The following BRAF variants were observed in gnomAD, a reference collection of about 807,000 sequenced individuals.
BRAF encodes serine/threonine-protein kinase B-raf.
In BRAF, 16 loss-of-function variants were observed where a neutral mutation model predicts 104.6. The observed-to-expected ratio is 0.15, with a 90% CI of 0.10 to 0.23. BRAF has a LOEUF of 0.23. Among genes scored for constraint, BRAF ranks in the 10% least tolerant of loss-of-function variants. The probability of loss-of-function intolerance (pLI) is 1.00; values close to 1 mark genes in which losing one functional copy is unlikely to be tolerated. For missense variants in BRAF, 541 were observed against 937.3 expected (o/e 0.58, Z 5.52); for synonymous variants, 310 against 341.6 (o/e 0.91, Z 1.02).
chr7:140,747,785 C>T (rs919470323), intron 17 of BRAF, among the ~76,000 whole-genome samples: 1 of 152,134 alleles, frequency 6.6e-6, no homozygotes, highest in Non-Finnish European at 1.5e-5. Flanking sequence ...GACCATTTTG[C>T]TACCCCAACT....
rs1298010263 is a variant in BRAF, at chr7:140,720,445, T to A, written c.*6049A>T. 1.9e-6 allele frequency: 2 copies of A among 1,063,230 alleles called. No homozygotes were observed. The highest frequency in any genetic ancestry group is 2.3e-6 in the Non-Finnish European group (2 of 878,078). The allele number at this position is 1,063,230 out of a possible 1,614,324, so 65.9% of individuals were successfully genotyped here. ...AGACATAAAGGCTAGCCACTTACGTTGGTCATTAACATGAATAAAAAGGCA... is the reference window on the plus strand; with the variant it reads ...AGACATAAAGGCTAGCCACTTACGTAGGTCATTAACATGAATAAAAAGGCA... On this transcript the variant is annotated 3_prime_UTR_variant, in exon 20 of 20. Transcript: ENST00000644969.
At chr7:140,816,132 T>C (rs1038134822) in intron 3 of BRAF, among the ~76,000 whole-genome samples, 1 of 152,234 alleles carries the variant, frequency 6.6e-6, no homozygotes, top group Non-Finnish European at 1.5e-5. Flanking sequence ...AACACAGTAA[T>C]TTACGTACCA....
At position 140,724,836 on chromosome 7, in the gene BRAF, G is replaced by A; in HGVS notation, c.*1658C>T. On this transcript the variant is annotated 3_prime_UTR_variant, in exon 20 of 20. Transcript: ENST00000644969. ...ATTCTGAGTCTAGATTCCTGATAAG[G>A]GAGGTTTTCCATTAATTTGCCATTA... 2 of 1,038,542 alleles carry A rather than the reference G, an allele frequency of 1.9e-6. No homozygotes were observed. The highest frequency in any genetic ancestry group is 1.2e-6 in the Non-Finnish European group (1 of 862,402). The allele number at this position is 1,038,542 out of a possible 1,614,324, so 64.3% of individuals were successfully genotyped here.
intron 3 of BRAF, among the ~76,000 whole-genome samples, chr7:140,819,590 A>G (rs193086000): frequency 3.0e-4 from 46 of 152,342 alleles, no homozygotes; most frequent in Non-Finnish European, 5.6e-4. Context: ...ACAGATGTCC[A>G]TCAGCTGATA....
chr7:140,750,712 A>T (rs1797717841), intron 16 of BRAF, among the ~76,000 whole-genome samples: 1 of 152,230 alleles, frequency 6.6e-6, no homozygotes, highest in African/African-American at 2.4e-5. Flanking sequence ...CAGAATACTG[A>T]GAGGCTGGTA....
At chr7:140,898,217 A>T (rs970691437) in intron 1 of BRAF, among the ~76,000 whole-genome samples, 3 of 152,198 alleles carry the variant, frequency 2.0e-5, no homozygotes, top group Admixed American at 1.3e-4. Context: ...AATAAATAAA[A>T]ATACAAATAA....
chr7:140,866,630 T>A (rs1810993825), intron 1 of BRAF, among the ~76,000 whole-genome samples: 2 of 152,116 alleles, frequency 1.3e-5, no homozygotes, highest in African/African-American at 4.8e-5. Context: ...GCTAGAGAAA[T>A]AATAGTTAAG....
intron 7 of BRAF, among the ~76,000 whole-genome samples, chr7:140,794,903 A>C (rs1281715786): frequency 6.6e-6 from 1 of 152,238 alleles, no homozygotes; most frequent in Non-Finnish European, 1.5e-5. Context: ...TATTTTGAGA[A>C]TACAAATGCA....
intron 1 of BRAF, among the ~76,000 whole-genome samples, chr7:140,912,728 A>C: frequency 6.6e-6 from 1 of 152,148 alleles, no homozygotes; most frequent in Non-Finnish European, 1.5e-5. Context: ...TTGTATTTTT[A>C]GTAGAGACAG....
At chr7:140,805,735 T>G (rs907623857) in intron 5 of BRAF, among the ~76,000 whole-genome samples, 1 of 152,204 alleles carries the variant, frequency 6.6e-6, no homozygotes, top group Non-Finnish European at 1.5e-5. Flanking sequence ...CACTTCCCAG[T>G]TCCCAAGGAC....
intron 2 of BRAF, among the ~76,000 whole-genome samples, chr7:140,847,228 T>G (rs984738643): frequency 2.0e-5 from 3 of 151,982 alleles, no homozygotes; most frequent in African/African-American, 7.3e-5. Context: ...TGTCTATATA[T>G]CCATCCCCTC....
intron 3 of BRAF, among the ~76,000 whole-genome samples, chr7:140,818,321 T>A (rs1004501465): frequency 1.3e-5 from 2 of 151,796 alleles, no homozygotes; most frequent in Non-Finnish European, 2.9e-5. Context: ...TTAATTTTTT[T>A]TTTTTTTTTG....
Position 140,721,447 on chromosome 7 carries a change from G to T in BRAF, c.*5047C>A, listed in dbSNP as rs1312571366. Reference sequence around the variant, plus strand: ...ATTGAATTTCAATTTAAATGTCTTTGCCCAAACAAAAGTGAAAATAGGTTA... The same window carrying T: ...ATTGAATTTCAATTTAAATGTCTTTTCCCAAACAAAAGTGAAAATAGGTTA... On this transcript the variant is annotated 3_prime_UTR_variant, in exon 20 of 20. Transcript: ENST00000644969. The T allele has an allele frequency of 7.9e-7, 1 of 1,263,886 alleles. No homozygotes were observed. The highest frequency in any genetic ancestry group is 9.9e-7 in the Non-Finnish European group (1 of 1,005,608). The allele number at this position is 1,263,886 out of a possible 1,614,324, so 78.3% of individuals were successfully genotyped here. A position where few individuals can be genotyped will look rare whatever the true frequency, so the allele number is the denominator to read the frequency against.
chr7:140,909,308 C>T (rs1234038447), intron 1 of BRAF, among the ~76,000 whole-genome samples: 2 of 152,080 alleles, frequency 1.3e-5, no homozygotes, highest in Non-Finnish European at 2.9e-5. Context: ...GCCTGTAATC[C>T]CAGCTACTTG....
intron 16 of BRAF, among the ~76,000 whole-genome samples, chr7:140,751,391 T>C (rs752575750): frequency 1.2e-4 from 19 of 152,194 alleles, no homozygotes; most frequent in Non-Finnish European, 2.2e-4. Context: ...CTCATCTTTT[T>C]AGGATACACT....
At chr7:140,914,287 T>G (rs1439485309) in intron 1 of BRAF, among the ~76,000 whole-genome samples, 1 of 152,148 alleles carries the variant, frequency 6.6e-6, no homozygotes, top group Non-Finnish European at 1.5e-5. Flanking sequence ...GGGAGGAGGA[T>G]CAAGAGATGC....
intron 1 of BRAF, among the ~76,000 whole-genome samples, chr7:140,904,677 C>T (rs1358859214): frequency 6.6e-6 from 1 of 152,148 alleles, no homozygotes; most frequent in African/African-American, 2.4e-5. Flanking sequence ...GGCACGATCT[C>T]GGCTCACTGC....
At position 140,924,889 on chromosome 7, in the gene BRAF, G is replaced by A. The variant is rs2129153828; in HGVS notation, c.-186C>T. The A allele has an allele frequency of 5.6e-6, 1 of 177,670 alleles. No homozygotes were observed. The highest frequency in any genetic ancestry group is 6.3e-5 in the Admixed American group (1 of 15,874). 11.0% of individuals were successfully genotyped at this position (177,670 alleles called of 1,614,324 possible). A position where few individuals can be genotyped will look rare whatever the true frequency, so the allele number is the denominator to read the frequency against. ...CCTGGGCCACCTCAGGTACCGGCCC[G>A]CGGCCCCGGGCGCAGCCGAGCCTGA... On this transcript the variant is annotated 5_prime_UTR_variant, in exon 1 of 20. Coordinates refer to ENST00000644969, the MANE Select transcript of BRAF (RefSeq NM_001374258.1). The surrounding 1 kb of genome is among the most constrained non-coding windows in gnomAD (Gnocchi z 4.2).
chr7:140,769,357 C>T (rs894058632), intron 14 of BRAF, among the ~76,000 whole-genome samples: 4 of 151,934 alleles, frequency 2.6e-5, no homozygotes, highest in African/African-American at 9.7e-5. Flanking sequence ...GAATTACAGG[C>T]ATGAGCCACC....
Sources: allele counts gnomAD v4.1 joint callset (sites outside exome capture counted in the v4.1 genomes callset), GRCh38; gene constraint gnomAD v4.1.1; non-coding constraint Gnocchi (gnomAD v3.1); transcripts MANE v1.5; gene names NCBI Gene and HGNC (gene_info 2026-07-23, HGNC 2026-07-21).